The following PLCB1 variants were observed in gnomAD, a reference collection of about 807,000 sequenced individuals.
The protein encoded by PLCB1 is phospholipase C beta 1.
Under a neutral mutation model 161.8 loss-of-function variants are expected in PLCB1, and 46 were observed. The ratio of observed to expected loss-of-function variants is 0.28; its 90% CI spans 0.22 to 0.36. PLCB1 has a LOEUF of 0.36. Ranked by LOEUF, PLCB1 falls within the 10% of genes least tolerant of loss-of-function variation. PLCB1 has a pLI of 1.00. For synonymous variants in PLCB1, 517 were observed against 503.7 expected (o/e 1.03, Z -0.35); for missense variants, 1,016 against 1,472.5 (o/e 0.69, Z 5.07).
intron 2 of PLCB1, among the ~76,000 whole-genome samples, chr20:8,164,248 A>T (rs2051654443): frequency 2.0e-5 from 3 of 152,176 alleles, no homozygotes; most frequent in Non-Finnish European, 4.4e-5. Context: ...GGACTCCAGG[A>T]CACCAGGCAG....
chr20:8,419,648 G>A (rs375119318), intron 3 of PLCB1, among the ~76,000 whole-genome samples: 1 of 152,074 alleles, frequency 6.6e-6, no homozygotes, highest in Non-Finnish European at 1.5e-5. Context: ...ACTAAGATAC[G>A]ATGCTCAGAA....
chr20:8,317,144 T>G (rs1423556371), intron 2 of PLCB1, among the ~76,000 whole-genome samples: 1 of 152,116 alleles, frequency 6.6e-6, no homozygotes, highest in Non-Finnish European at 1.5e-5. Flanking sequence ...TGAGCAGGGA[T>G]AGAGGCTGAA....
intron 2 of PLCB1, among the ~76,000 whole-genome samples, chr20:8,188,926 T>G (rs772233224): frequency 6.6e-6 from 1 of 152,156 alleles, no homozygotes; most frequent in Non-Finnish European, 1.5e-5. Flanking sequence ...AATTCAAATA[T>G]TTTGTAAGTG....
At chr20:8,184,939 C>G (rs187888401) in intron 2 of PLCB1, among the ~76,000 whole-genome samples, 1,791 of 152,026 alleles carry the variant, frequency 0.012, 37 homozygotes, top group African/African-American at 0.039. Context: ...TATCCCTCCC[C>G]TAGCCCCCCA....
At chr20:8,754,797 G>T (rs752724404) in intron 23 of PLCB1, among the ~76,000 whole-genome samples, 4 of 152,120 alleles carry the variant, frequency 2.6e-5, no homozygotes, top group African/African-American at 4.8e-5. Flanking sequence ...TTCAGTATAA[G>T]ATCACCTTAA....
chr20:8,713,718 A>G (rs1249013484), intron 12 of PLCB1, among the ~76,000 whole-genome samples: 1 of 152,154 alleles, frequency 6.6e-6, no homozygotes, highest in Non-Finnish European at 1.5e-5. Context: ...CATCAGAATT[A>G]TCTGCAGTCT....
At chr20:8,414,096 G>A (rs1256782646) in intron 3 of PLCB1, among the ~76,000 whole-genome samples, 1 of 151,634 alleles carries the variant, frequency 6.6e-6, no homozygotes, top group Non-Finnish European at 1.5e-5. Flanking sequence ...CAATAAAAAA[G>A]TATAATTTTC....
chr20:8,317,353 G>A (rs768589031), intron 2 of PLCB1, among the ~76,000 whole-genome samples: 13 of 151,992 alleles, frequency 8.6e-5, no homozygotes, highest in South Asian at 6.2e-4. Context: ...TCAAAGTCCC[G>A]TTTGGGTCAT....
In PLCB1 at chr20:8,586,855, A is replaced by G. The variant is rs574956296; in HGVS notation, c.247-41439A>G. On this transcript the variant is annotated intron_variant, in intron 3 of 31. Transcript: ENST00000338037. ...CATTTCAATTTCAAAACCCAGAACC[A>G]TGGTATTAATTCTAAAATCTGAGCT... Among the ~76,000 whole-genome samples, 414 of 152,232 alleles carry G rather than the reference A, an allele frequency of 2.7e-3. 2 individuals carry two copies. Among genetic ancestry groups the G allele is most frequent in the Middle Eastern group, 6.8e-3 (2 of 294 alleles).
rs532594824 is a variant in PLCB1 at position 8,182,741 on chromosome 20, C to T, written c.177+32370C>T. 5.1e-4 allele frequency among the ~76,000 whole-genome samples: 77 copies of T among 151,898 alleles called. 1 individual carries two copies. Among genetic ancestry groups the T allele is most frequent in the African/African-American group, 1.6e-3 (65 of 41,430 alleles). On this transcript the variant is annotated intron_variant, in intron 2 of 31. Coordinates refer to ENST00000338037, the MANE Select transcript of PLCB1 (RefSeq NM_015192.4). ...GATTACAGGCGCCCGCAACCATGCC[C>T]GGCTAATTTTTGTGTTTTTAGTAGA... is the stretch of plus-strand genomic sequence containing the variant.
At chr20:8,375,479 G>C (rs1365983409) in intron 3 of PLCB1, among the ~76,000 whole-genome samples, 2 of 152,078 alleles carry the variant, frequency 1.3e-5, no homozygotes, top group Non-Finnish European at 2.9e-5. Context: ...ATCTTGTCTT[G>C]TACAGAAAAA....
chr20:8,794,192 C>A (rs1983906740), intron 31 of PLCB1, among the ~76,000 whole-genome samples: 1 of 152,044 alleles, frequency 6.6e-6, no homozygotes, highest in Non-Finnish European at 1.5e-5. Flanking sequence ...ATCACATGGT[C>A]CTGAGGTGAC....
At chr20:8,538,143 A>G (rs1387971647) in intron 3 of PLCB1, among the ~76,000 whole-genome samples, 1 of 152,218 alleles carries the variant, frequency 6.6e-6, no homozygotes, top group Non-Finnish European at 1.5e-5. Flanking sequence ...TATTCTGTAC[A>G]TTCAGTTAAT....
intron 2 of PLCB1, among the ~76,000 whole-genome samples, chr20:8,297,051 C>T (rs1038519252): frequency 1.3e-5 from 2 of 151,910 alleles, no homozygotes; most frequent in Non-Finnish European, 2.9e-5. Context: ...TATACACACA[C>T]ATGCAAACAC....
intron 31 of PLCB1, among the ~76,000 whole-genome samples, chr20:8,793,564 C>T (rs569555827): frequency 3.3e-5 from 5 of 151,982 alleles, no homozygotes; most frequent in Non-Finnish European, 7.4e-5. Flanking sequence ...CCGCAAAAAC[C>T]AGCAAGTTTT....
At chr20:8,266,709 G>A (rs1224876829) in intron 2 of PLCB1, among the ~76,000 whole-genome samples, 2 of 152,178 alleles carry the variant, frequency 1.3e-5, no homozygotes, top group Admixed American at 1.3e-4. Context: ...TTTCTCTCCA[G>A]ATGCCCTACC....
At chr20:8,670,344 A>G (rs1309479862) in intron 9 of PLCB1, among the ~76,000 whole-genome samples, 1 of 152,248 alleles carries the variant, frequency 6.6e-6, no homozygotes, top group African/African-American at 2.4e-5. Context: ...GTGCTAAATC[A>G]AAGTAAGGTG....
At chr20:8,489,358 A>G (rs1416855770) in intron 3 of PLCB1, among the ~76,000 whole-genome samples, 1 of 152,184 alleles carries the variant, frequency 6.6e-6, no homozygotes, top group African/African-American at 2.4e-5. Context: ...GGAGCTGACT[A>G]TTATTATTTT....
chr20:8,338,678 C>A (rs985525102), intron 2 of PLCB1, among the ~76,000 whole-genome samples: 1 of 152,122 alleles, frequency 6.6e-6, no homozygotes, highest in African/African-American at 2.4e-5. Context: ...ATGCACAAAT[C>A]TCAAATATAA....
Sources: gnomAD v4.1 joint callset for allele counts (sites outside exome capture counted in the v4.1 genomes callset) on GRCh38, gnomAD v4.1.1 for gene constraint, MANE v1.5 for transcripts, NCBI Gene and HGNC (gene_info 2026-07-23, HGNC 2026-07-21) for gene names.